The following NREP variants were observed in gnomAD, a reference collection of about 807,000 sequenced individuals.
NREP encodes neuronal regeneration-related protein.
NREP carries 5 observed loss-of-function variants against 8.6 expected under a neutral mutation model. That is an observed-to-expected ratio of 0.58 (90% CI 0.30 to 1.22). NREP has a LOEUF of 1.22. Ranked by LOEUF, NREP falls within the 50% of genes most tolerant of loss-of-function variation. NREP has a pLI of 0.07. For missense variants in NREP, 86 were observed against 82.5 expected, an observed-to-expected ratio of 1.04 and a Z score of -0.17; for synonymous variants, 27 against 28.0, an observed-to-expected ratio of 0.96 and a Z score of 0.11.
At chr5:111,892,318 T>C (rs1237736364) in intron 2 of NREP, among the ~76,000 whole-genome samples, 1 of 152,068 alleles carries the variant, frequency 6.6e-6, no homozygotes, top group East Asian at 1.9e-4. Context: ...GCTCATGGTA[T>C]CTGGGGTTCT....
At chr5:111,834,074 T>G (rs965108738) in intron 2 of NREP, among the ~76,000 whole-genome samples, 4 of 152,088 alleles carry the variant, frequency 2.6e-5, no homozygotes, top group African/African-American at 9.7e-5. Flanking sequence ...GTCACCTGAC[T>G]TTTTTTGTGT....
At chr5:111,961,816 A>T (rs1263069143) in intron 2 of NREP, among the ~76,000 whole-genome samples, 1 of 152,210 alleles carries the variant, frequency 6.6e-6, no homozygotes, top group Non-Finnish European at 1.5e-5. Flanking sequence ...ACATGAAGTG[A>T]CCATTTTGAG....
At chr5:111,754,819 T>C (rs1425455398) in intron 2 of NREP, among the ~76,000 whole-genome samples, 3 of 152,220 alleles carry the variant, frequency 2.0e-5, no homozygotes, top group African/African-American at 7.2e-5. Context: ...TGGAAGCTTA[T>C]ACTTGGGTTG....
chr5:111,933,302 A>G (rs1459098901), intron 2 of NREP, among the ~76,000 whole-genome samples: 1 of 152,130 alleles, frequency 6.6e-6, no homozygotes, highest in Non-Finnish European at 1.5e-5. Flanking sequence ...ATGAGGACAC[A>G]GATTATTTTC....
chr5:111,908,167 C>G (rs999880632), intron 2 of NREP, among the ~76,000 whole-genome samples: 2 of 94,168 alleles, frequency 2.1e-5, no homozygotes, highest in Non-Finnish European at 5.1e-5. Context: ...TGTTATTCAT[C>G]TATTTATTTA....
chr5:111,836,953 G>A (rs1752910889), intron 2 of NREP, among the ~76,000 whole-genome samples: 1 of 152,028 alleles, frequency 6.6e-6, no homozygotes, highest in Non-Finnish European at 1.5e-5. Flanking sequence ...TGGGGAAAAT[G>A]GGAAAAGAAT....
At chr5:111,757,594 G>C, upstream of NREP, 1 of 983,826 alleles carries the variant, frequency 1.0e-6, no homozygotes, top group Non-Finnish European at 1.2e-6. Flanking sequence ...GGCCCCGTCG[G>C]CGAGCGGCCA....
At chr5:111,840,928 G>A (rs1025083511) in intron 2 of NREP, among the ~76,000 whole-genome samples, 1 of 152,074 alleles carries the variant, frequency 6.6e-6, no homozygotes, top group African/African-American at 2.4e-5. Context: ...AAGGAGAAGG[G>A]TATTTCAGCT....
chr5:111,756,052 C>G (rs1210861202), intron 1 of NREP: 7 of 1,250,264 alleles, frequency 5.6e-6, no homozygotes, highest in Non-Finnish European at 7.1e-6. Flanking sequence ...TTGCAGAGTC[C>G]TGGGCTATTC....
intron 2 of NREP, among the ~76,000 whole-genome samples, chr5:111,797,405 G>T (rs1206794324): frequency 6.6e-6 from 1 of 152,102 alleles, no homozygotes; most frequent in Non-Finnish European, 1.5e-5. Flanking sequence ...TAGGTTTATG[G>T]CTATATATAT....
chr5:111,970,825 CAAAAAAAAAAAA>C (rs33962098), intron 2 of NREP, among the ~76,000 whole-genome samples: 2 of 53,640 alleles, frequency 3.7e-5, no homozygotes, highest in Non-Finnish European at 6.7e-5. Context: ...GACTCCATCT[CAAAAAAAAAAAA>C]AAAAAAAAAA....
At chr5:111,837,352 T>C (rs1434792176) in intron 2 of NREP, among the ~76,000 whole-genome samples, 1 of 152,008 alleles carries the variant, frequency 6.6e-6, no homozygotes, top group Non-Finnish European at 1.5e-5. Flanking sequence ...ACTGAAACCT[T>C]ATTTAAGGGG....
intron 2 of NREP, among the ~76,000 whole-genome samples, chr5:111,924,874 G>A (rs1755341996): frequency 1.3e-5 from 2 of 152,248 alleles, no homozygotes; most frequent in African/African-American, 2.4e-5. Flanking sequence ...AAGTCAAAGA[G>A]TCTGTCCTGG....
intron 2 of NREP, among the ~76,000 whole-genome samples, chr5:111,911,399 C>G (rs1453194684): frequency 1.3e-5 from 2 of 152,078 alleles, no homozygotes; most frequent in East Asian, 1.9e-4. Flanking sequence ...TAGTTCAACC[C>G]TACACAATTG....
chr5:111,880,857 G>A (rs1367361954), intron 2 of NREP, among the ~76,000 whole-genome samples: 4 of 150,602 alleles, frequency 2.7e-5, no homozygotes, highest in South Asian at 2.1e-4. Context: ...CAAGATGGCT[G>A]AATAGGAACA....
chr5:111,843,567 C>T (rs568573740), intron 2 of NREP, among the ~76,000 whole-genome samples: 42 of 149,684 alleles, frequency 2.8e-4, no homozygotes, highest in South Asian at 4.3e-4. Context: ...GGCCAGTTAC[C>T]GGGGCTTTAT....
At chr5:111,974,380 G>A (rs187137450) in intron 2 of NREP, 1 of 145,650 alleles carries the variant, frequency 6.9e-6, no homozygotes, top group Non-Finnish European at 1.5e-5. Flanking sequence ...TTCAGGGATT[G>A]GTGGAAGCAC....
chr5:111,911,714 C>T (rs1754916736), intron 2 of NREP, among the ~76,000 whole-genome samples: 1 of 152,032 alleles, frequency 6.6e-6, no homozygotes, highest in South Asian at 2.1e-4. Flanking sequence ...GTGAGAGGGT[C>T]TATTTTTTTG....
chr5:111,942,031 G>C (rs1457647486), intron 2 of NREP, among the ~76,000 whole-genome samples: 1 of 151,860 alleles, frequency 6.6e-6, no homozygotes, highest in East Asian at 1.9e-4. Context: ...TTTTTGTTTT[G>C]TTTTGCTTTT....
Sources: allele counts gnomAD v4.1 joint callset (sites outside exome capture counted in the v4.1 genomes callset), GRCh38; gene constraint gnomAD v4.1.1; transcripts MANE v1.5; gene names NCBI Gene and HGNC (gene_info 2026-07-23, HGNC 2026-07-21).